Variants in RARB observed in about 807,000 individuals in gnomAD.
RARB encodes the protein HBV-activated protein.
RARB carries 17 observed loss-of-function variants against 51.9 expected under a neutral mutation model. The observed-to-expected ratio is 0.33, with a 90% confidence interval of 0.22 to 0.49. The LOEUF (loss-of-function observed/expected upper bound fraction) is 0.49, where lower values mean the gene tolerates loss of function less well. Ranked by LOEUF, RARB falls within the 20% of genes least tolerant of loss-of-function variation. The probability of loss-of-function intolerance (pLI) is 0.99; values close to 1 mark genes in which losing one functional copy is unlikely to be tolerated. For missense variants in RARB, 369 were observed against 550.8 expected (o/e 0.67, Z 3.30); for synonymous variants, 215 against 195.4 (o/e 1.10, Z -0.84).
At chr3:25,150,349 T>G (rs372734416) in intron 4 of RARB, among the ~76,000 whole-genome samples, 2 of 152,080 alleles carry the variant, frequency 1.3e-5, no homozygotes, top group African/African-American at 4.8e-5. Flanking sequence ...CAAGGGAGAA[T>G]AAGCCCAGCA....
At chr3:25,451,993 T>G (rs551018790) in intron 1 of RARB, among the ~76,000 whole-genome samples, 12 of 152,340 alleles carry the variant, frequency 7.9e-5, no homozygotes, top group Non-Finnish European at 1.6e-4. Context: ...AGAAAAACTC[T>G]TCAGGGGACC....
At chr3:25,467,050 G>A (rs1044346354) in intron 2 of RARB, among the ~76,000 whole-genome samples, 2 of 152,144 alleles carry the variant, frequency 1.3e-5, no homozygotes, top group Non-Finnish European at 2.9e-5. Flanking sequence ...ACCTGCCCAG[G>A]GCTCTGTGGC....
intron 5 of RARB, among the ~76,000 whole-genome samples, chr3:25,413,762 T>A (rs182244151): frequency 9.6e-4 from 147 of 152,344 alleles, no homozygotes; most frequent in Non-Finnish European, 1.8e-3. Context: ...AAGTTGATCA[T>A]CTTTGCAACC....
At chr3:25,407,479 AATT>A (rs1248341055) in intron 5 of RARB, among the ~76,000 whole-genome samples, 6 of 152,228 alleles carry the variant, frequency 3.9e-5, no homozygotes, top group African/African-American at 1.4e-4. Context: ...AAGGCACAAT[AATT>A]ATTATAATCC....
chr3:24,927,816 G>A (rs891165540), intron 2 of RARB, among the ~76,000 whole-genome samples: 3 of 152,026 alleles, frequency 2.0e-5, no homozygotes, highest in Non-Finnish European at 4.4e-5. Flanking sequence ...GGTGTGAGTA[G>A]GTGCTAGAAA....
At chr3:25,166,651 T>C (rs1343462435) in intron 4 of RARB, among the ~76,000 whole-genome samples, 1 of 152,184 alleles carries the variant, frequency 6.6e-6, no homozygotes, top group Non-Finnish European at 1.5e-5. Context: ...TGTGAGTAAA[T>C]TGCAGCCAGA....
chr3:25,048,574 TTC>T (rs1328847643), intron 2 of RARB, among the ~76,000 whole-genome samples: 1 of 152,188 alleles, frequency 6.6e-6, no homozygotes, highest in African/African-American at 2.4e-5. Context: ...TTCTGGGACA[TTC>T]TGTGTATACT....
At chr3:25,523,897 C>T (rs547036602) in intron 3 of RARB, among the ~76,000 whole-genome samples, 4 of 152,130 alleles carry the variant, frequency 2.6e-5, no homozygotes, top group East Asian at 1.9e-4. Context: ...CCATTTTTAG[C>T]GATAGTAGAA....
intron 3 of RARB, among the ~76,000 whole-genome samples, chr3:25,529,035 T>A (rs1698782189): frequency 6.6e-6 from 1 of 151,984 alleles, no homozygotes; most frequent in African/African-American, 2.4e-5. Flanking sequence ...TGTTCAATTG[T>A]TCAATTTTGA....
At chr3:25,195,863 A>G (rs553018611) in intron 5 of RARB, among the ~76,000 whole-genome samples, 1 of 151,990 alleles carries the variant, frequency 6.6e-6, no homozygotes, top group Non-Finnish European at 1.5e-5. Context: ...TTATATAAAT[A>G]TATCTGAAGT....
intron 2 of RARB, among the ~76,000 whole-genome samples, chr3:25,486,991 CT>C (rs1394594266): frequency 6.6e-6 from 1 of 152,176 alleles, no homozygotes; most frequent in African/African-American, 2.4e-5. Context: ...ATTTACATTG[CT>C]TTACAACACA....
chr3:25,161,155 G>C (rs533213296), intron 4 of RARB, among the ~76,000 whole-genome samples: 3 of 150,814 alleles, frequency 2.0e-5, no homozygotes, highest in East Asian at 3.9e-4. Context: ...TGGGATTACA[G>C]GCACCCACCA....
intron 4 of RARB, among the ~76,000 whole-genome samples, chr3:25,141,208 G>C (rs1287937994): frequency 6.6e-6 from 1 of 151,676 alleles, no homozygotes; most frequent in Non-Finnish European, 1.5e-5. Flanking sequence ...TCTTAGACCC[G>C]GGAAACTCAT....
intron 5 of RARB, among the ~76,000 whole-genome samples, chr3:25,388,026 A>G (rs1408774678): frequency 1.4e-5 from 2 of 147,918 alleles, no homozygotes; most frequent in South Asian, 2.2e-4. Context: ...TTCAAGCACT[A>G]AGAACATAAG....
At chr3:24,913,320 G>C (rs1004695065) in intron 2 of RARB, among the ~76,000 whole-genome samples, 1 of 151,204 alleles carries the variant, frequency 6.6e-6, no homozygotes, top group Non-Finnish European at 1.5e-5. Context: ...TTTTCCCACT[G>C]AGATTTCCTT....
intron 5 of RARB, among the ~76,000 whole-genome samples, chr3:25,214,542 T>C (rs1701773554): frequency 1.3e-5 from 2 of 152,230 alleles, no homozygotes; most frequent in African/African-American, 4.8e-5. Flanking sequence ...TATAAGTCTG[T>C]ATTTTTCACA....
At chr3:25,056,280 C>A (rs968177486) in intron 2 of RARB, among the ~76,000 whole-genome samples, 8 of 152,094 alleles carry the variant, frequency 5.3e-5, no homozygotes, top group African/African-American at 1.9e-4. Context: ...TTCCAAATGG[C>A]TGGGTGTAGC....
chr3:25,022,466 G>C (rs1355155065), intron 2 of RARB, among the ~76,000 whole-genome samples: 1 of 152,044 alleles, frequency 6.6e-6, no homozygotes, highest in Non-Finnish European at 1.5e-5. Context: ...ATGGGCAATG[G>C]GAGTAGTTTC....
At chr3:25,399,405 A>G (rs1368316161) in intron 5 of RARB, among the ~76,000 whole-genome samples, 1 of 152,192 alleles carries the variant, frequency 6.6e-6, no homozygotes, top group Non-Finnish European at 1.5e-5. Flanking sequence ...ACCTAGATGT[A>G]AAGACAGTCA....
Sources: allele counts gnomAD v4.1 joint callset (sites outside exome capture counted in the v4.1 genomes callset), GRCh38; gene constraint gnomAD v4.1.1; transcripts MANE v1.5; gene names NCBI Gene and HGNC (gene_info 2026-07-23, HGNC 2026-07-21).